Variants in AFG2A observed in about 807,000 individuals in gnomAD.
AFG2A encodes the protein ATPase family gene 2 protein homolog A.
the AFG2A span, among the ~76,000 whole-genome samples, chr4:123,135,132 A>T: frequency 1.3e-5 from 2 of 152,210 alleles, no homozygotes; most frequent in Non-Finnish European, 2.9e-5. Context: ...GTGACTTACC[A>T]TATTAACAGA....
the AFG2A span, among the ~76,000 whole-genome samples, chr4:123,082,088 A>G: frequency 2.6e-5 from 4 of 151,638 alleles, no homozygotes; most frequent in Admixed American, 2.0e-4. Context: ...TTGCCTTCTC[A>G]TTTTCTTGAT....
chr4:122,947,162 C>T, the AFG2A span: 4 of 1,414,868 alleles, frequency 2.8e-6, no homozygotes, highest in Non-Finnish European at 3.7e-6. Flanking sequence ...TCTATACAGC[C>T]AGTGTGTGCC....
the AFG2A span, among the ~76,000 whole-genome samples, chr4:122,932,898 G>A: frequency 1.1e-3 from 162 of 152,318 alleles, no homozygotes; most frequent in African/African-American, 3.6e-3. Flanking sequence ...AGTGAAGTAA[G>A]TTATTAATTA....
chr4:123,115,038 G>C, the AFG2A span, among the ~76,000 whole-genome samples: 3 of 152,170 alleles, frequency 2.0e-5, no homozygotes, highest in East Asian at 5.8e-4. Context: ...GAGGACATGG[G>C]ACACAGGAGA....
chr4:123,228,924 C>T, the AFG2A span, among the ~76,000 whole-genome samples: 1 of 151,920 alleles, frequency 6.6e-6, no homozygotes, highest in Non-Finnish European at 1.5e-5. Flanking sequence ...AAGTATTTAT[C>T]AAGCACATTA....
chr4:123,310,879 CAG>C, the AFG2A span, among the ~76,000 whole-genome samples: 1 of 152,106 alleles, frequency 6.6e-6, no homozygotes, highest in Non-Finnish European at 1.5e-5. Context: ...TAAAAAGAAA[CAG>C]AGTAATGTTT....
the AFG2A span, among the ~76,000 whole-genome samples, chr4:122,956,695 A>C: frequency 1.3e-5 from 2 of 152,156 alleles, no homozygotes; most frequent in Non-Finnish European, 1.5e-5. Context: ...CAGTGGCGTG[A>C]TCTCGGCTCA....
At chr4:123,265,378 C>T in the AFG2A span, among the ~76,000 whole-genome samples, 158 of 152,168 alleles carry the variant, frequency 1.0e-3, no homozygotes, top group Admixed American at 1.8e-3. Flanking sequence ...TTCATTTTAA[C>T]TTAACAATTT....
At chr4:122,998,353 C>T in the AFG2A span, among the ~76,000 whole-genome samples, 2 of 151,914 alleles carry the variant, frequency 1.3e-5, no homozygotes, top group East Asian at 3.9e-4. Flanking sequence ...GATACATGTG[C>T]ACAATGTGCA....
chr4:123,028,335 T>G, the AFG2A span: 1 of 1,614,164 alleles, frequency 6.2e-7, no homozygotes, highest in East Asian at 2.2e-5. Flanking sequence ...CTGGGTGCTC[T>G]AAAACAATGA....
chr4:123,086,232 A>G, the AFG2A span, among the ~76,000 whole-genome samples: 1 of 152,120 alleles, frequency 6.6e-6, no homozygotes, highest in African/African-American at 2.4e-5. Context: ...CTGGCAACAA[A>G]TTCCTTATTT....
At chr4:123,304,723 G>A in the AFG2A span, among the ~76,000 whole-genome samples, 2 of 152,106 alleles carry the variant, frequency 1.3e-5, no homozygotes, top group Non-Finnish European at 2.9e-5. Flanking sequence ...AGCACATTTC[G>A]GCCTCAGTGG....
the AFG2A span, among the ~76,000 whole-genome samples, chr4:123,207,970 C>T: frequency 6.6e-6 from 1 of 151,986 alleles, no homozygotes; most frequent in Non-Finnish European, 1.5e-5. Context: ...CCCAAATAGC[C>T]AAAACAATAT....
the AFG2A span, among the ~76,000 whole-genome samples, chr4:123,129,217 A>G: frequency 6.6e-6 from 1 of 152,220 alleles, no homozygotes; most frequent in African/African-American, 2.4e-5. Context: ...GTTTCATGGT[A>G]TCAGAAATTC....
the AFG2A span, among the ~76,000 whole-genome samples, chr4:123,095,045 ATAT>A: frequency 0.027 from 2,241 of 83,828 alleles, 67 homozygotes; most frequent in African/African-American, 0.087. Context: ...AAAAAAAAAT[ATAT>A]ATATATATAT....
At chr4:122,992,750 C>A in the AFG2A span, among the ~76,000 whole-genome samples, 4 of 150,336 alleles carry the variant, frequency 2.7e-5, no homozygotes, top group African/African-American at 9.7e-5. Flanking sequence ...TTTTAGGAGA[C>A]CACAAGTGTT....
At chr4:122,943,851 C>T in the AFG2A span, among the ~76,000 whole-genome samples, 1 of 152,072 alleles carries the variant, frequency 6.6e-6, no homozygotes, top group Non-Finnish European at 1.5e-5. Context: ...AATCTCTCAG[C>T]ATTTGCTTGT....
At chr4:123,082,833 T>G in the AFG2A span, among the ~76,000 whole-genome samples, 1 of 152,134 alleles carries the variant, frequency 6.6e-6, no homozygotes, top group African/African-American at 2.4e-5. Flanking sequence ...TAGATTTTCT[T>G]CAGTTTTCTT....
At chr4:123,208,042 C>A in the AFG2A span, among the ~76,000 whole-genome samples, 2 of 152,246 alleles carry the variant, frequency 1.3e-5, no homozygotes, top group South Asian at 4.2e-4. Context: ...ACAAAGTTAC[C>A]ATATTCAAAA....
Sources: allele counts gnomAD v4.1 joint callset (sites outside exome capture counted in the v4.1 genomes callset), GRCh38; gene constraint gnomAD v4.1.1; transcripts MANE v1.5; gene names NCBI Gene and HGNC (gene_info 2026-07-23, HGNC 2026-07-21).